FGD5: variants seen among roughly 807,000 people sequenced by gnomAD.
FGD5 encodes the protein FYVE, RhoGEF and PH domain-containing protein 5.
Under a neutral mutation model 133.4 loss-of-function variants are expected in FGD5, and 28 were observed. The observed-to-expected ratio is 0.21, with a 90% CI of 0.16 to 0.29. The LOEUF is 0.29. Ranked by LOEUF, FGD5 falls within the 10% of genes least tolerant of loss-of-function variation. FGD5 has a pLI of 1.00. For missense variants in FGD5, 1,858 were observed against 1,895.2 expected, an observed-to-expected ratio of 0.98 and a Z score of 0.36; for synonymous variants, 810 against 776.5, an observed-to-expected ratio of 1.04 and a Z score of -0.72.
chr3:14,857,500 C>T (rs1031601171), intron 1 of FGD5, among the ~76,000 whole-genome samples: 4 of 152,128 alleles, frequency 2.6e-5, no homozygotes, highest in Admixed American at 2.0e-4. Context: ...AAATGTCCTT[C>T]CTCACTTAAC....
At position 14,821,081 on chromosome 3, in the gene FGD5, T is replaced by C. The variant is rs747385950; in HGVS notation, c.2010T>C (p.His670=). ...TFKKKTENKL[H]VDVNVSSSRS... ...AGAAGAAGACGGAGAACAAATTGCA[T>C]GTGGATGTGAACGTGTCTTCCTCTA... Residue 670 remains histidine (H), a synonymous_variant, in exon 1 of 20, where the codon CAT becomes CAC. Coordinates refer to ENST00000285046, the MANE Select transcript of FGD5 (RefSeq NM_152536.4). 1.1e-5 allele frequency: 18 copies of C among 1,613,822 alleles called. No individual in the cohort carries two copies. In the Admixed American group the frequency reaches 2.2e-4, roughly 19 times the overall value.
At position 14,922,293 on chromosome 3, in the gene FGD5, C is replaced by A; in HGVS notation, c.3670-118C>A. 1 of 1,413,302 alleles carries A rather than the reference C, an allele frequency of 7.1e-7. No homozygotes were observed. Among genetic ancestry groups the A allele is most frequent in the Non-Finnish European group, 9.6e-7 (1 of 1,041,136 alleles). The allele number at this position is 1,413,302 out of a possible 1,614,324, so 87.5% of individuals were successfully genotyped here. On this transcript the variant is annotated intron_variant, in intron 14 of 19. Transcript: ENST00000285046. The surrounding 1 kb of genome is among the most constrained non-coding windows in gnomAD (Gnocchi z 4.1). Reference sequence around the variant, plus strand: ...GCAGGAGAGGCCTTTCACATCAGACCCACTCACCCACACATCACACACCCT... The same window carrying A: ...GCAGGAGAGGCCTTTCACATCAGACACACTCACCCACACATCACACACCCT...
intron 4 of FGD5, among the ~76,000 whole-genome samples, chr3:14,881,484 T>A (rs2037823655): frequency 6.6e-6 from 1 of 151,862 alleles, no homozygotes; most frequent in Admixed American, 6.6e-5. Context: ...GATGAGGGGG[T>A]GACCAACAAC....
intron 1 of FGD5, among the ~76,000 whole-genome samples, chr3:14,855,132 C>T (rs573582921): frequency 4.6e-5 from 7 of 152,264 alleles, no homozygotes; most frequent in Admixed American, 1.3e-4. Context: ...TTCTGTTCCT[C>T]GCTTATTTCA....
intron 1 of FGD5, among the ~76,000 whole-genome samples, chr3:14,851,397 A>G (rs772211806): frequency 3.9e-5 from 6 of 152,236 alleles, no homozygotes; most frequent in Non-Finnish European, 8.8e-5. Flanking sequence ...GGGTCTTGGC[A>G]TCAGACAGTC....
At chr3:14,914,666 G>C (rs546394744) in intron 11 of FGD5, among the ~76,000 whole-genome samples, 1 of 152,178 alleles carries the variant, frequency 6.6e-6, no homozygotes, top group African/African-American at 2.4e-5. Context: ...TGTGAGAGCA[G>C]CCCTGACATT....
chr3:14,845,698 G>C (rs193071355), intron 1 of FGD5, among the ~76,000 whole-genome samples: 4 of 152,292 alleles, frequency 2.6e-5, no homozygotes, highest in South Asian at 2.1e-4. Flanking sequence ...AGATCCCCAG[G>C]GGTGGGCTTC....
intron 17 of FGD5, among the ~76,000 whole-genome samples, chr3:14,925,532 C>G (rs1038885324): frequency 6.6e-6 from 1 of 152,162 alleles, no homozygotes; most frequent in African/African-American, 2.4e-5. Flanking sequence ...TTGGTATTAA[C>G]TCCAAGCCTG....
chr3:14,863,993 G>C, intron 1 of FGD5, 135 bp from the exon 2 acceptor site: 1 of 1,259,216 alleles, frequency 7.9e-7, no homozygotes, highest in Admixed American at 2.5e-5. Flanking sequence ...GGCTGGGGGT[G>C]GGGAAGTAGG....
intron 1 of FGD5, among the ~76,000 whole-genome samples, chr3:14,839,969 G>A (rs75289087): frequency 0.084 from 12,169 of 144,276 alleles, 727 homozygotes; most frequent in East Asian, 0.3. Context: ...AACAAACAGT[G>A]TTTTACAAAA....
At chr3:14,845,814 C>T (rs1282777804) in intron 1 of FGD5, among the ~76,000 whole-genome samples, 2 of 152,166 alleles carry the variant, frequency 1.3e-5, no homozygotes, top group Non-Finnish European at 2.9e-5. Flanking sequence ...TGTTCAGACC[C>T]TGGGATACAG....
intron 4 of FGD5, 101 bp downstream of exon 4, chr3:14,880,873 A>G: frequency 6.8e-7 from 1 of 1,468,958 alleles, no homozygotes; most frequent in Non-Finnish European, 9.3e-7. Context: ...ATTTCCATTA[A>G]CAGAGGCCTG....
At chr3:14,907,766 A>C in intron 10 of FGD5, 55 bp downstream of exon 10, 1 of 1,557,160 alleles carries the variant, frequency 6.4e-7, no homozygotes, top group Non-Finnish European at 8.8e-7. Context: ...GGCTCCGATA[A>C]GCCCCATTGT....
intron 16 of FGD5, 125 bp downstream of exon 16, chr3:14,923,300 A>G (rs1246538220): frequency 8.2e-6 from 11 of 1,339,146 alleles, no homozygotes; most frequent in Admixed American, 2.7e-5. Context: ...TATTCACTCC[A>G]TGGAGGGAGG....
chr3:14,890,343 T>G (rs982542084), intron 4 of FGD5, among the ~76,000 whole-genome samples: 1 of 152,230 alleles, frequency 6.6e-6, no homozygotes, highest in African/African-American at 2.4e-5. Context: ...CTCCTGGCTT[T>G]GGAAGAATTA....
chr3:14,875,497 C>A (rs1043393549), intron 2 of FGD5, among the ~76,000 whole-genome samples: 2 of 152,138 alleles, frequency 1.3e-5, no homozygotes, highest in Non-Finnish European at 2.9e-5. Flanking sequence ...AAGGGATCAC[C>A]TGGAGCTCCA....
At position 14,921,456 on chromosome 3, in the gene FGD5, G is replaced by A. The variant is rs570382866; in HGVS notation, c.3570-462G>A. ...AAGTGCCTGTTGGATGACTGTCTGG[G>A]AAGCTATGTGGGGAGATGAGGAAGG... is the stretch of plus-strand genomic sequence containing the variant. On this transcript the variant is annotated intron_variant, in intron 13 of 19. Coordinates refer to ENST00000285046, the MANE Select transcript of FGD5 (RefSeq NM_152536.4). 4.2e-4 allele frequency: 72 copies of A among 171,538 alleles called. 1 individual carries two copies. The highest frequency in any genetic ancestry group is 1.5e-3 in the African/African-American group (64 of 42,480). The allele number at this position is 171,538 out of a possible 1,614,324, so 10.6% of individuals were successfully genotyped here.
At chr3:14,914,719 C>T (rs1250042989) in intron 11 of FGD5, among the ~76,000 whole-genome samples, 12 of 152,346 alleles carry the variant, frequency 7.9e-5, no homozygotes, top group Middle Eastern at 3.4e-3. Flanking sequence ...AGCCATACCC[C>T]TGGCTCCACT....
At chr3:14,822,112 A>G (rs370774261) in intron 1 of FGD5, among the ~76,000 whole-genome samples, 1 of 152,014 alleles carries the variant, frequency 6.6e-6, no homozygotes, top group African/African-American at 2.4e-5. Flanking sequence ...AAAATAAAAA[A>G]AAAAGAAAAG....
Sources: allele counts gnomAD v4.1 joint callset (sites outside exome capture counted in the v4.1 genomes callset), GRCh38; gene constraint gnomAD v4.1.1; non-coding constraint Gnocchi (gnomAD v3.1); transcripts MANE v1.5; gene names NCBI Gene and HGNC (gene_info 2026-07-23, HGNC 2026-07-21).